Variants in WDR27 observed in about 807,000 individuals in gnomAD.
WDR27 encodes the protein WD repeat domain 27.
A neutral mutation model predicts 114.4 loss-of-function variants in WDR27; 100 were observed. The observed-to-expected ratio is 0.87, with a 90% CI of 0.74 to 1.03. The LOEUF (loss-of-function observed/expected upper bound fraction) is 1.03. WDR27 is among the 50% of genes least tolerant of loss of function. WDR27 has a pLI of 0.00. For missense variants in WDR27, 1,129 were observed against 1,092.9 expected, an observed-to-expected ratio of 1.03 and a Z score of -0.47; for synonymous variants, 449 against 423.1, an observed-to-expected ratio of 1.06 and a Z score of -0.75.
chr6:169,675,964 C>A (rs778077626), intron 2 of WDR27, among the ~76,000 whole-genome samples: 6 of 152,222 alleles, frequency 3.9e-5, no homozygotes, highest in Non-Finnish European at 8.8e-5. Flanking sequence ...CAAGGTATGG[C>A]AAGGAAATAT....
At position 169,684,082 on chromosome 6, in the gene WDR27, A is replaced by T. The variant is rs895991900; in HGVS notation, c.189+4735T>A. ...ATGAGTGGCTGAATGTCACAACCCC[A>T]GTTGCATGGAGCCTGGGACCAGGAT... On this transcript the variant is annotated intron_variant, in intron 2 of 25. Transcript: ENST00000448612. The surrounding 1 kb of genome is among the most constrained non-coding windows in gnomAD (Gnocchi z 4.3). 3.9e-5 allele frequency among the ~76,000 whole-genome samples: 6 copies of T among 152,084 alleles called. No homozygotes were observed. Among genetic ancestry groups the T allele is most frequent in the African/African-American group, 1.4e-4 (6 of 41,400 alleles).
the WDR27 span, among the ~76,000 whole-genome samples, chr6:169,429,757 C>T: frequency 6.6e-6 from 1 of 152,176 alleles, no homozygotes; most frequent in Admixed American, 6.5e-5. Context: ...AATTTCTGAC[C>T]TGGGGTCTGA....
intron 25 of WDR27, among the ~76,000 whole-genome samples, chr6:169,486,870 A>C (rs1017302842): frequency 2.6e-5 from 4 of 152,220 alleles, no homozygotes; most frequent in African/African-American, 9.7e-5. Flanking sequence ...ATTGACAGCC[A>C]TCTTCCAAGT....
intron 1 of WDR27, among the ~76,000 whole-genome samples, chr6:169,690,797 T>C (rs9396995): frequency 0.55 from 84,012 of 151,910 alleles, 27,303 homozygotes; most frequent in East Asian, 0.98. Flanking sequence ...GGTGTGACCG[T>C]TCAGTACCAC....
chr6:169,520,828 C>T (rs1010373222), intron 25 of WDR27, among the ~76,000 whole-genome samples: 1 of 151,248 alleles, frequency 6.6e-6, no homozygotes, highest in African/African-American at 2.4e-5. Context: ...ACCTGAAATA[C>T]AGAAAGAGAA....
At chr6:169,500,491 A>C (rs1267235690) in intron 25 of WDR27, among the ~76,000 whole-genome samples, 2 of 152,126 alleles carry the variant, frequency 1.3e-5, no homozygotes, top group Non-Finnish European at 2.9e-5. Context: ...TCAGGGCCAC[A>C]CTAACTTCTG....
At chr6:169,679,651 G>C (rs1360212003) in intron 2 of WDR27, among the ~76,000 whole-genome samples, 1 of 152,142 alleles carries the variant, frequency 6.6e-6, no homozygotes, top group Non-Finnish European at 1.5e-5. Context: ...TGAAGTACCT[G>C]CTCCCTCTTC....
intron 25 of WDR27, among the ~76,000 whole-genome samples, chr6:169,474,102 T>G (rs1786811697): frequency 6.6e-6 from 1 of 152,264 alleles, no homozygotes; most frequent in Non-Finnish European, 1.5e-5. Context: ...AGAGTAAATC[T>G]GTAACCACAG....
At chr6:169,617,078 T>C (rs1235881380) in intron 21 of WDR27, among the ~76,000 whole-genome samples, 1 of 152,162 alleles carries the variant, frequency 6.6e-6, no homozygotes, top group African/African-American at 2.4e-5. Flanking sequence ...TGAAGCAGCA[T>C]CCTTGTGGGG....
At chr6:169,608,408 G>C (rs188790720) in intron 22 of WDR27, among the ~76,000 whole-genome samples, 4 of 152,136 alleles carry the variant, frequency 2.6e-5, no homozygotes, top group Non-Finnish European at 5.9e-5. Context: ...ACAAAAGAAA[G>C]AGGTTTAATT....
intron 25 of WDR27, among the ~76,000 whole-genome samples, chr6:169,560,401 A>C (rs1451071502): frequency 6.6e-6 from 1 of 152,244 alleles, no homozygotes; most frequent in East Asian, 1.9e-4. Flanking sequence ...AAAATGGACC[A>C]ATACAACCTC....
intron 13 of WDR27, 150 bp downstream of exon 13, chr6:169,658,126 C>G: frequency 1.5e-6 from 1 of 653,762 alleles, no homozygotes; most frequent in East Asian, 3.0e-5. Context: ...GGAACACGCA[C>G]GAGAGGCAGA....
intron 21 of WDR27, among the ~76,000 whole-genome samples, 193 bp from the exon 22 acceptor site, chr6:169,613,849 A>T (rs1318747829): frequency 6.6e-6 from 1 of 152,250 alleles, no homozygotes; most frequent in Non-Finnish European, 1.5e-5. Context: ...ATTTTGACCT[A>T]GAGAAGTATT....
chr6:169,500,088 A>G (rs1790943127), intron 25 of WDR27, among the ~76,000 whole-genome samples: 1 of 152,216 alleles, frequency 6.6e-6, no homozygotes, highest in Non-Finnish European at 1.5e-5. Flanking sequence ...TAGGAAAGGA[A>G]ACGTGGAGCG....
At chr6:169,614,036 T>C (rs1038604181) in intron 21 of WDR27, among the ~76,000 whole-genome samples, 9 of 152,210 alleles carry the variant, frequency 5.9e-5, no homozygotes, top group African/African-American at 2.2e-4. Flanking sequence ...AGGTGAGTTA[T>C]TAATCTGCCA....
chr6:169,471,219 G>A (rs1007003767), intron 25 of WDR27, among the ~76,000 whole-genome samples: 8 of 151,816 alleles, frequency 5.3e-5, no homozygotes, highest in South Asian at 2.1e-4. Flanking sequence ...AGAAATCAGC[G>A]TCAGGTCTAA....
At chr6:169,459,680 G>A (rs1784686381) in intron 25 of WDR27, among the ~76,000 whole-genome samples, 1 of 152,046 alleles carries the variant, frequency 6.6e-6, no homozygotes, top group South Asian at 2.1e-4. Flanking sequence ...GGCAAAGAGA[G>A]AATTCTGGAA....
intron 25 of WDR27, among the ~76,000 whole-genome samples, chr6:169,513,193 T>C (rs1223864700): frequency 6.6e-6 from 1 of 152,146 alleles, no homozygotes; most frequent in East Asian, 1.9e-4. Flanking sequence ...TGGGGGCACC[T>C]AGACAGTCTC....
At chr6:169,629,228 G>T (rs183877026) in intron 21 of WDR27, among the ~76,000 whole-genome samples, 8 of 152,156 alleles carry the variant, frequency 5.3e-5, no homozygotes, top group African/African-American at 1.9e-4. Context: ...TATTTTTTAA[G>T]TTATAAATTA....
Sources: gnomAD v4.1 joint callset for allele counts (sites outside exome capture counted in the v4.1 genomes callset) on GRCh38, gnomAD v4.1.1 for gene constraint, Gnocchi (gnomAD v3.1) non-coding constraint, MANE v1.5 for transcripts, NCBI Gene and HGNC (gene_info 2026-07-23, HGNC 2026-07-21) for gene names.